Variants in ANKRD36C observed in about 807,000 individuals in gnomAD.
The protein encoded by ANKRD36C is ankyrin repeat domain 36C.
A neutral mutation model predicts 276.4 loss-of-function variants in ANKRD36C; 61 were observed. That is an observed-to-expected ratio of 0.22 (90% CI 0.18 to 0.27). The LOEUF is 0.27. Among genes scored for constraint, ANKRD36C ranks in the 10% least tolerant of loss-of-function variants. ANKRD36C has a pLI of 1.00. For missense variants in ANKRD36C, 1,447 were observed against 2,032.3 expected, an observed-to-expected ratio of 0.71 and a Z score of 5.54; for synonymous variants, 483 against 680.1, an observed-to-expected ratio of 0.71 and a Z score of 4.51.
Position 95,893,687 on chromosome 2 carries a change from T to C in ANKRD36C, c.2756-1827A>G, listed in dbSNP as rs557513290. The C allele has an allele frequency of 1.2e-5, 20 of 1,604,082 alleles. No individual in the cohort carries two copies. The highest frequency in any genetic ancestry group is 3.4e-5 in the Admixed American group (2 of 59,432). ...AACTCGTTCACAATATAAATGAGAGTTTCATTACCTTCAAGGCTGGTGGTT... is the reference window on the plus strand; with the variant it reads ...AACTCGTTCACAATATAAATGAGAGCTTCATTACCTTCAAGGCTGGTGGTT... On this transcript the variant is annotated intron_variant, in intron 44 of 66. Coordinates refer to ENST00000456556, the Ensembl canonical transcript of ANKRD36C.
In ANKRD36C at chr2:95,925,350, A is replaced by G; in HGVS notation, c.2041+2T>C. ...GACATTAAATGTGTATTGCCAAATT[A>G]CCTGTTCCAGATTTCCCACCGCCCG... On this transcript the variant is annotated splice_donor_variant, in intron 30 of 66. Transcript: ENST00000456556. LOFTEE classifies it high-confidence loss of function. The G allele has an allele frequency of 6.3e-7, 1 of 1,575,658 alleles. No homozygotes were observed.
chr2:95,914,406 T>C, intron 38 of ANKRD36C, 103 bp from the exon 41 acceptor site: 4 of 1,409,508 alleles, frequency 2.8e-6, no homozygotes, highest in Non-Finnish European at 2.0e-6. Context: ...CTGCCTGTAT[T>C]AGCGTAGTCT....
chr2:95,969,914 GATAT>G (rs561824222), intron 6 of ANKRD36C, among the ~76,000 whole-genome samples: 4 of 151,226 alleles, frequency 2.6e-5, no homozygotes, highest in African/African-American at 9.7e-5. Context: ...TTTTATTATA[GATAT>G]ATATATATTT....
chr2:95,910,458 T>A lies in ANKRD36C; in HGVS notation c.2653+1786A>T. ...CGTCACTTGTAGCCTGAATAGAATT[T>A]GAAACGAAATAATAAATAAATAAAG... On this transcript the variant is annotated intron_variant, in intron 42 of 66. Coordinates refer to ENST00000456556, the Ensembl canonical transcript of ANKRD36C. 2 of 1,579,708 alleles carry A rather than the reference T, an allele frequency of 1.3e-6. No homozygotes were observed. Among genetic ancestry groups the A allele is most frequent in the South Asian group, 1.1e-5 (1 of 87,746 alleles).
chr2:95,961,612 C>A (rs1199956143), intron 8 of ANKRD36C, among the ~76,000 whole-genome samples: 1 of 151,966 alleles, frequency 6.6e-6, no homozygotes, highest in Non-Finnish European at 1.5e-5. Flanking sequence ...AAAACAAAGC[C>A]AATATATGCA....
intron 20 of ANKRD36C, among the ~76,000 whole-genome samples, 159 bp downstream of exon 20, chr2:95,941,001 T>C (rs1414296967): frequency 6.7e-6 from 1 of 149,554 alleles, no homozygotes; most frequent in Non-Finnish European, 1.5e-5. Flanking sequence ...TTTAAATTTA[T>C]TTTAAATTAT....
rs538176175 is a variant in ANKRD36C at position 95,908,755 on chromosome 2, A to G, written c.2653+3489T>C. ...ATGTAAAAATGACAAAATTATCCAC[A>G]TATTCATGCAGTGTTAGCATCAACC... On this transcript the variant is annotated intron_variant, in intron 42 of 66. Transcript: ENST00000456556. 1.2e-5 allele frequency: 19 copies of G among 1,534,726 alleles called. No homozygotes were observed. In the East Asian group the frequency reaches 3.4e-4, roughly 28 times the overall value.
At chr2:95,917,887 G>A in exon 36 of ANKRD36C, 6 of 1,606,786 alleles carry the variant, frequency 3.7e-6, no homozygotes, top group South Asian at 1.1e-5. Flanking sequence ...CTTTATTTCT[G>A]TGGCTATAAT....
intron 30 of ANKRD36C, 87 bp from the exon 31 acceptor site, chr2:95,923,776 A>G: frequency 6.4e-7 from 1 of 1,566,526 alleles, no homozygotes; most frequent in Non-Finnish European, 8.7e-7. Context: ...ATCAAGCTGT[A>G]TGCTCCTGCC....
chr2:95,906,958 T>A, intron 42 of ANKRD36C, 136 bp from the exon 49 acceptor site: 1 of 42,294 alleles, frequency 2.4e-5, no homozygotes, highest in Non-Finnish European at 4.1e-5. Context: ...ACTTTGTCTC[T>A]GGGGACCAGA....
chr2:95,912,258 T>A, exon 42 of ANKRD36C: 1 of 1,551,724 alleles, frequency 6.4e-7, no homozygotes, highest in Middle Eastern at 2.3e-4. Context: ...CCTAGATGTT[T>A]CTCCATCCTT....
chr2:95,855,148 A>G, intron 63 of ANKRD36C, 118 bp downstream of exon 83: 2 of 1,360,140 alleles, frequency 1.5e-6, no homozygotes, highest in Middle Eastern at 2.6e-4. Flanking sequence ...AAGCAGATAT[A>G]TTTATCATAT....
At chr2:95,910,653 C>G (rs748304434) in intron 42 of ANKRD36C, 85 bp from the exon 45 acceptor site, 1 of 1,590,202 alleles carries the variant, frequency 6.3e-7, no homozygotes, top group Non-Finnish European at 8.5e-7. Flanking sequence ...GCATCAAACT[C>G]TGTCCTCCTG....
At chr2:95,990,575 A>G (rs1302300481) in intron 1 of ANKRD36C, among the ~76,000 whole-genome samples, 2 of 152,252 alleles carry the variant, frequency 1.3e-5, no homozygotes, top group Non-Finnish European at 2.9e-5. Flanking sequence ...AAAAGACAGC[A>G]TGAGTAATTC....
Position 95,855,923 on chromosome 2 carries a change from G to A in ANKRD36C, c.4338C>T (p.Leu1446=), listed in dbSNP as rs202242743. The A allele has an allele frequency of 4.3e-6, 7 of 1,613,484 alleles. No homozygotes were observed. In the African/African-American group the frequency reaches 5.3e-5, roughly 12 times the overall value. ...CTCTTTGCTTCTCCAGTTTAGAACG[G>A]AGCGTTGTGTTTTCATCCGTCAGAG... Residue 1446 remains leucine (L), a synonymous_variant, in exon 63 of 67, where the codon CTC becomes CTT. Coordinates refer to ENST00000456556, the Ensembl canonical transcript of ANKRD36C.
At chr2:95,976,733 A>G (rs1245847829) in intron 6 of ANKRD36C, among the ~76,000 whole-genome samples, 1 of 152,144 alleles carries the variant, frequency 6.6e-6, no homozygotes, top group African/African-American at 2.4e-5. Context: ...AATAGCCCAC[A>G]TTACACCTCA....
exon 10 of ANKRD36C, chr2:95,960,492 A>C: frequency 6.5e-7 from 1 of 1,537,782 alleles, no homozygotes; most frequent in South Asian, 1.2e-5. Flanking sequence ...ATTTTTGTTC[A>C]TCTTTTATTT....
At chr2:95,873,447 G>A (rs1478585707) in intron 59 of ANKRD36C, among the ~76,000 whole-genome samples, 6 of 152,112 alleles carry the variant, frequency 3.9e-5, no homozygotes, top group African/African-American at 1.4e-4. Context: ...TGCAGAAAAG[G>A]CCTTTGACAA....
chr2:95,902,712 C>A (rs191869882), intron 42 of ANKRD36C, among the ~76,000 whole-genome samples, 174 bp downstream of exon 54: 1 of 150,496 alleles, frequency 6.6e-6, no homozygotes, highest in East Asian at 2.0e-4. Context: ...CTGCGAAGAT[C>A]ATGTTCCAGA....
Sources: allele counts gnomAD v4.1 joint callset (sites outside exome capture counted in the v4.1 genomes callset), GRCh38; gene constraint gnomAD v4.1.1; transcripts MANE v1.5; gene names NCBI Gene and HGNC (gene_info 2026-07-23, HGNC 2026-07-21).